Variants in EPSTI1 observed in about 807,000 individuals in gnomAD.
EPSTI1 encodes the protein epithelial-stromal interaction protein 1.
Under a neutral mutation model 49.9 loss-of-function variants are expected in EPSTI1, and 66 were observed. The ratio of observed to expected loss-of-function variants is 1.32; its 90% CI spans 1.08 to 1.62. EPSTI1 has a LOEUF of 1.62. Ranked by LOEUF, EPSTI1 falls within the 40% of genes most tolerant of loss-of-function variation. The pLI, the probability that EPSTI1 is intolerant of heterozygous loss-of-function variation, is 0.00. For synonymous variants in EPSTI1, 137 were observed against 130.7 expected (o/e 1.05, Z -0.33); for missense variants, 394 against 365.5 (o/e 1.08, Z -0.64).
chr13:42,892,304 G>A (rs929533072), intron 10 of EPSTI1, among the ~76,000 whole-genome samples: 9 of 152,212 alleles, frequency 5.9e-5, no homozygotes, highest in Admixed American at 2.0e-4. Context: ...GTCTTGTATC[G>A]AGAACAGACT....
intron 1 of EPSTI1, among the ~76,000 whole-genome samples, chr13:42,988,465 G>A (rs1390173293): frequency 6.6e-6 from 1 of 152,146 alleles, no homozygotes; most frequent in Non-Finnish European, 1.5e-5. Flanking sequence ...AGGCGCGGTG[G>A]CTCACGCCTG....
intron 7 of EPSTI1, among the ~76,000 whole-genome samples, chr13:42,918,494 T>C (rs912660951): frequency 5.3e-5 from 8 of 152,228 alleles, no homozygotes; most frequent in African/African-American, 1.9e-4. Flanking sequence ...TAATAATCCA[T>C]AAAGTTCAGG....
intron 6 of EPSTI1, among the ~76,000 whole-genome samples, chr13:42,938,914 C>CAAAAAAAAAAAAAAAAAAAAAAAAAA (rs57079104): frequency 3.4e-5 from 2 of 59,674 alleles, no homozygotes; most frequent in Admixed American, 2.9e-4. Flanking sequence ...GACTCTGTCT[C>CAAAAAAAAAAAAAAAAAAAAAAAAAA]AAAAAAAAAA....
chr13:42,940,655 G>A (rs765965748), intron 6 of EPSTI1, among the ~76,000 whole-genome samples: 2 of 152,142 alleles, frequency 1.3e-5, no homozygotes, highest in Non-Finnish European at 2.9e-5. Context: ...ACTCACTGCA[G>A]CCTCTAACTC....
chr13:42,954,136 A>AC, intron 5 of EPSTI1, 115 bp from the exon 6 acceptor site: 1 of 765,376 alleles, frequency 1.3e-6, no homozygotes, highest in Non-Finnish European at 2.1e-6. Context: ...ATAGTCTAAT[A>AC]CAGTATCCTG....
chr13:42,893,009 A>T (rs1207980797), intron 10 of EPSTI1, among the ~76,000 whole-genome samples: 1 of 152,248 alleles, frequency 6.6e-6, no homozygotes. Context: ...AGGAAGATTG[A>T]GAAATAATCG....
chr13:42,951,895 T>C (rs967315508), intron 6 of EPSTI1, among the ~76,000 whole-genome samples: 8 of 152,342 alleles, frequency 5.3e-5, no homozygotes, highest in African/African-American at 1.9e-4. Flanking sequence ...CCAGCTGGAC[T>C]TCTGGGCCAG....
At chr13:42,959,450 T>C (rs1469586304) in intron 5 of EPSTI1, among the ~76,000 whole-genome samples, 1 of 152,206 alleles carries the variant, frequency 6.6e-6, no homozygotes, top group East Asian at 1.9e-4. Context: ...TCCTCAATGT[T>C]GAGTTTACCC....
chr13:42,948,465 T>G (rs1402133468), intron 6 of EPSTI1, among the ~76,000 whole-genome samples: 3 of 21,780 alleles, frequency 1.4e-4, no homozygotes, highest in East Asian at 5.3e-3. Flanking sequence ...TTTTTGTGTT[T>G]TTTTTTTTGT....
intron 6 of EPSTI1, among the ~76,000 whole-genome samples, chr13:42,950,037 A>G (rs1172967811): frequency 2.0e-5 from 3 of 152,222 alleles, no homozygotes; most frequent in Non-Finnish European, 4.4e-5. Flanking sequence ...ATGAATTTTT[A>G]TAAGTAGTAA....
intron 6 of EPSTI1, among the ~76,000 whole-genome samples, chr13:42,949,097 A>G (rs1173808748): frequency 6.6e-6 from 1 of 152,232 alleles, no homozygotes; most frequent in Non-Finnish European, 1.5e-5. Flanking sequence ...CCAGTACAGC[A>G]TCACACGACA....
At chr13:42,923,072 G>C (rs1566120674) in intron 7 of EPSTI1, among the ~76,000 whole-genome samples, 1 of 152,202 alleles carries the variant, frequency 6.6e-6, no homozygotes, top group Non-Finnish European at 1.5e-5. Context: ...CAGAGGACTA[G>C]AAAGGGGCCA....
At chr13:42,963,635 G>T in intron 4 of EPSTI1, 1 of 354,006 alleles carries the variant, frequency 2.8e-6, no homozygotes, top group Admixed American at 4.6e-5. Flanking sequence ...GTGTGTATTG[G>T]GGAGGGAAAA....
intron 7 of EPSTI1, among the ~76,000 whole-genome samples, chr13:42,924,640 A>G (rs1015869258): frequency 5.3e-5 from 8 of 152,136 alleles, no homozygotes; most frequent in Non-Finnish European, 1.0e-4. Context: ...TGTCATCTAC[A>G]CATGATTTAA....
rs139278994 is a variant in EPSTI1, at chr13:42,895,367, C to G, written c.816-259G>C. On this transcript the variant is annotated intron_variant, in intron 9 of 10. Coordinates refer to ENST00000313624, the MANE Select transcript of EPSTI1 (RefSeq NM_033255.5). The stretch of plus-strand genomic sequence containing the variant: ...GAGAGTTTCAGGCACTCATCTCCTG[C>G]CAGTTCAGCAAGACCCTAGTTCAAG... 5.9e-5 allele frequency among the ~76,000 whole-genome samples: 9 copies of G among 152,316 alleles called. No homozygotes were observed. In the East Asian group the frequency reaches 1.5e-3, roughly 26 times the overall value.
intron 1 of EPSTI1, among the ~76,000 whole-genome samples, chr13:42,991,409 C>T (rs1381903033): frequency 1.3e-5 from 2 of 152,200 alleles, no homozygotes; most frequent in East Asian, 1.9e-4. Flanking sequence ...CCTCAGCCTC[C>T]CAGGTAGCTG....
At chr13:42,907,255 T>A (rs2037523509) in intron 8 of EPSTI1, among the ~76,000 whole-genome samples, 1 of 152,232 alleles carries the variant, frequency 6.6e-6, no homozygotes. Flanking sequence ...AAAACTTATC[T>A]GCACTCTATT....
At chr13:42,991,879 G>C (rs2040200615) in intron 1 of EPSTI1, 99 bp downstream of exon 1, 9 of 1,306,338 alleles carry the variant, frequency 6.9e-6, no homozygotes, top group Non-Finnish European at 9.8e-6. Context: ...CCTGTTGTTG[G>C]GCCCCTGTGG....
chr13:42,921,325 G>C (rs991037493), intron 7 of EPSTI1, among the ~76,000 whole-genome samples: 1 of 152,164 alleles, frequency 6.6e-6, no homozygotes, highest in African/African-American at 2.4e-5. Flanking sequence ...TTCAAAGTTA[G>C]AAGAGCAATG....
Sources: gnomAD v4.1 joint callset for allele counts (sites outside exome capture counted in the v4.1 genomes callset) on GRCh38, gnomAD v4.1.1 for gene constraint, MANE v1.5 for transcripts, NCBI Gene and HGNC (gene_info 2026-07-23, HGNC 2026-07-21) for gene names.